RABL6: variants seen among roughly 807,000 people sequenced by gnomAD.
RABL6 encodes the protein rab-like protein 6.
A neutral mutation model predicts 72.9 loss-of-function variants in RABL6; 28 were observed. The ratio of observed to expected loss-of-function variants is 0.38; its 90% CI spans 0.28 to 0.53. RABL6 has a LOEUF of 0.53. RABL6 is among the 20% of genes least tolerant of loss of function. The pLI is 0.80. For synonymous variants in RABL6, 477 were observed against 421.2 expected (o/e 1.13, Z -1.62); for missense variants, 1,029 against 1,008.4 (o/e 1.02, Z -0.28).
At position 136,840,543 on chromosome 9, in the gene RABL6, C is replaced by T; in HGVS notation, c.*21C>T. 1 of 1,545,392 alleles carries T rather than the reference C, an allele frequency of 6.5e-7. No homozygotes were observed. The highest frequency in any genetic ancestry group is 8.7e-7 in the Non-Finnish European group (1 of 1,145,640). On this transcript the variant is annotated 3_prime_UTR_variant, in exon 15 of 15. Transcript: ENST00000311502. ...TCTAGGCCGGCGTGGGCAGTGGCCG[C>T]CCTGGGGCGGGGGGCGTGCCTGTCA...
At position 136,831,842 on chromosome 9, in the gene RABL6, TTCA is replaced by T. The variant is rs745862303; in HGVS notation, c.583_585del (p.Ile195del). On this transcript the variant is annotated inframe_deletion, in exon 6 of 15. Coordinates refer to ENST00000311502, the MANE Select transcript of RABL6 (RefSeq NM_024718.5). ...CATCCTGCCGGACGACGTGCGTGAC[TTCA>T]TCGACAACCTGGACAGGTGGGTGCG... 1.9e-6 allele frequency: 3 copies of T among 1,612,166 alleles called. No homozygotes were observed. Among genetic ancestry groups the T allele is most frequent in the Non-Finnish European group, 2.5e-6 (3 of 1,179,232 alleles).
intron 2 of RABL6, 25 bp downstream of exon 2, chr9:136,823,684 G>C: frequency 6.3e-7 from 1 of 1,584,730 alleles, no homozygotes; most frequent in South Asian, 1.1e-5. Flanking sequence ...TGCCCCAGTG[G>C]GTTCGGGCTC....
chr9:136,828,661 G>A lies in RABL6; in HGVS notation c.366+115G>A, dbSNP rs1043268667. ...ACCACCCCAGTTATGCTGTGGCCAC[G>A]GGGGCCGCTGGCCTTCCCAACTGCT... On this transcript the variant is annotated intron_variant, in intron 4 of 14. Coordinates refer to ENST00000311502, the MANE Select transcript of RABL6 (RefSeq NM_024718.5). 5.5e-5 allele frequency: 61 copies of A among 1,099,590 alleles called. No homozygotes were observed. In the African/African-American group the frequency reaches 6.9e-4, roughly 12 times the overall value. 68.1% of individuals were successfully genotyped at this position (1,099,590 alleles called of 1,614,324 possible).
intron 1 of RABL6, chr9:136,821,699 G>C: frequency 1.4e-5 from 14 of 1,015,390 alleles, no homozygotes; most frequent in Non-Finnish European, 1.6e-5. Flanking sequence ...TGGCTGCGCT[G>C]AGCGCCTGCG....
At chr9:136,821,888 G>C in intron 1 of RABL6, 1 of 1,275,530 alleles carries the variant, frequency 7.8e-7, no homozygotes. Flanking sequence ...CAGCCGGTGC[G>C]GCCGCCACCG....
In RABL6 at chr9:136,828,559, T is replaced by A. The variant is rs1848405864; in HGVS notation, c.366+13T>A. 1.9e-6 allele frequency: 3 copies of A among 1,612,906 alleles called. No individual in the cohort carries two copies. The highest frequency in any genetic ancestry group is 2.5e-6 in the Non-Finnish European group (3 of 1,179,534). On this transcript the variant is annotated intron_variant, in intron 4 of 14. Transcript: ENST00000311502. ...CGACCCCCAGGAGGTGAGTGCCAGG[T>A]ACACAGTGGGTAGCAGTGGCTCAGG...
chr9:136,812,558 T>TAA (rs1056086212), intron 1 of RABL6, among the ~76,000 whole-genome samples: 8 of 148,668 alleles, frequency 5.4e-5, no homozygotes, highest in Non-Finnish European at 9.0e-5. Context: ...GACTTCGTCT[T>TAA]AAAAAAAAAA....
chr9:136,833,761 C>A (rs1848530633), intron 7 of RABL6: 2 of 1,550,462 alleles, frequency 1.3e-6, no homozygotes, highest in Non-Finnish European at 1.7e-6. Context: ...GTGCTGTCGT[C>A]CTGGTGTCAG....
chr9:136,821,667 G>A, intron 1 of RABL6: 4 of 990,432 alleles, frequency 4.0e-6, no homozygotes, highest in Middle Eastern at 1.0e-3. Flanking sequence ...GCCTCCCGCC[G>A]CGCTGGGGCC....
Position 136,823,675 on chromosome 9 carries a change from GCCCCAGTGGGTT to G in RABL6, c.265+18_265+29del, listed in dbSNP as rs1564363854. 5.6e-6 allele frequency: 9 copies of G among 1,595,366 alleles called. 1 individual carries two copies. In the South Asian group the frequency reaches 1.0e-4, roughly 18 times the overall value. ...AGCTACAAGAGTAAGTGTGGTGGGTGCCCCAGTGGGTTCGGGCTCCAGGCTTCTCCTCCCTCA... is the reference window on the plus strand; with the variant it reads ...AGCTACAAGAGTAAGTGTGGTGGGTGCGGGCTCCAGGCTTCTCCTCCCTCA... On this transcript the variant is annotated intron_variant, in intron 2 of 14. Transcript: ENST00000311502.
At chr9:136,836,018 G>GC (rs1214013300) in intron 8 of RABL6, 173 bp downstream of exon 8, 29 of 614,338 alleles carry the variant, frequency 4.7e-5, no homozygotes, top group South Asian at 2.4e-4. Context: ...GCCCCCAGCA[G>GC]CCCCCCCACA....
In RABL6 at chr9:136,839,036, T is replaced by G; in HGVS notation, c.1408T>G (p.Ser470Ala). The G allele has an allele frequency of 6.2e-7, 1 of 1,612,428 alleles. No individual in the cohort carries two copies. Among genetic ancestry groups the G allele is most frequent in the Non-Finnish European group, 8.5e-7 (1 of 1,179,730 alleles). The stretch of plus-strand genomic sequence containing the variant: ...CGTCCCCAGTCAAGACATCACTCTT[T>G]CGAGTGAGGAGGAAGCAGAAGTGGC... Reference protein sequence around the residue: ...GPVPSQDITLSSEEEAEVAAP... With the variant: ...GPVPSQDITLASEEEAEVAAP... The change falls in exon 11 of 15, where the codon TCG becomes GCG. Residue 470 changes from serine (S) to alanine (A), a missense_variant. By Grantham distance (99) the Ser-to-Ala change is moderately conservative. Transcript: ENST00000311502.
chr9:136,834,475 T>C (rs1409030480), intron 7 of RABL6: 3 of 981,550 alleles, frequency 3.1e-6, no homozygotes, highest in African/African-American at 1.8e-5. Flanking sequence ...GGGACCTTAA[T>C]GACTTTAATA....
intron 1 of RABL6, among the ~76,000 whole-genome samples, chr9:136,819,341 AAAG>A (rs1243713700): frequency 4.0e-5 from 6 of 151,228 alleles, no homozygotes; most frequent in Admixed American, 6.6e-5. Context: ...AAAAAAAAAA[AAAG>A]AAAACCACCT....
rs371430602 is a variant in RABL6, at chr9:136,831,847, C to T, written c.585C>T (p.Ile195=). The T allele has an allele frequency of 3.0e-5, 49 of 1,611,648 alleles. No individual in the cohort carries two copies. The highest frequency in any genetic ancestry group is 2.9e-4 in the South Asian group (26 of 90,952). The change falls in exon 6 of 15, where the codon ATC becomes ATT. Residue 195 remains isoleucine, a synonymous_variant. Coordinates refer to ENST00000311502, the MANE Select transcript of RABL6 (RefSeq NM_024718.5). The part of the protein sequence containing the change: ...VILPDDVRDF[I]DNLDRPPGSS... The stretch of plus-strand genomic sequence containing the variant: ...TGCCGGACGACGTGCGTGACTTCAT[C>T]GACAACCTGGACAGGTGGGTGCGGT...
At chr9:136,815,327 CT>C in intron 1 of RABL6, 3 of 275,454 alleles carry the variant, frequency 1.1e-5, no homozygotes, top group Admixed American at 4.0e-5. Flanking sequence ...CACCTGCAGC[CT>C]TTTTTGTTCG....
At chr9:136,822,220 G>A (rs1238030065) in intron 1 of RABL6, among the ~76,000 whole-genome samples, 1 of 152,202 alleles carries the variant, frequency 6.6e-6, no homozygotes, top group Non-Finnish European at 1.5e-5. Flanking sequence ...GGAGTGAGAG[G>A]AGGCTGCAGA....
intron 1 of RABL6, among the ~76,000 whole-genome samples, chr9:136,812,375 C>G (rs149010446): frequency 6.6e-6 from 1 of 152,202 alleles, no homozygotes; most frequent in African/African-American, 2.4e-5. Flanking sequence ...ACCTGGCCAA[C>G]ATGATGAAAC....
intron 2 of RABL6, 119 bp from the exon 3 acceptor site, chr9:136,825,660 C>T (rs1588359416): frequency 6.3e-6 from 7 of 1,104,540 alleles, no homozygotes; most frequent in South Asian, 2.5e-5. Flanking sequence ...TCTGGACACT[C>T]GGAAGTCCTG....
Sources: allele counts gnomAD v4.1 joint callset (sites outside exome capture counted in the v4.1 genomes callset), GRCh38; gene constraint gnomAD v4.1.1; transcripts MANE v1.5; gene names NCBI Gene and HGNC (gene_info 2026-07-23, HGNC 2026-07-21).